The following NAV2 variants were observed in gnomAD, a reference collection of about 807,000 sequenced individuals.
The protein encoded by NAV2 is helicase, APC down-regulated 1.
In NAV2, 54 loss-of-function variants were observed where a neutral mutation model predicts 223.2. The observed-to-expected ratio is 0.24, with a 90% CI of 0.19 to 0.30. The LOEUF is 0.30. Ranked by LOEUF, NAV2 falls within the 10% of genes least tolerant of loss-of-function variation. The probability of loss-of-function intolerance (pLI) is 1.00; values close to 1 mark genes in which losing one functional copy is unlikely to be tolerated. For missense variants in NAV2, 2,806 were observed against 3,147.5 expected (o/e 0.89, Z 2.60); for synonymous variants, 1,279 against 1,239.3 (o/e 1.03, Z -0.67).
intron 26 of NAV2, among the ~76,000 whole-genome samples, chr11:20,085,643 A>G (rs2060390167): frequency 6.6e-6 from 1 of 152,204 alleles, no homozygotes; most frequent in Non-Finnish European, 1.5e-5. Context: ...ATGACTGTTT[A>G]TTTCTTGCTC....
intron 33 of NAV2, 93 bp from the exon 34 acceptor site, chr11:20,103,560 G>A: frequency 6.6e-7 from 1 of 1,514,342 alleles, no homozygotes; most frequent in Non-Finnish European, 9.2e-7. Context: ...CTGTCCACTG[G>A]CCTGGAAGCA....
intron 1 of NAV2, among the ~76,000 whole-genome samples, chr11:19,724,857 T>C (rs761539414): frequency 6.6e-6 from 1 of 152,212 alleles, no homozygotes; most frequent in Non-Finnish European, 1.5e-5. Context: ...GTTAAGTTCC[T>C]ACTTCCCCAT....
At chr11:19,668,050 C>G (rs2048466351) in intron 1 of NAV2, among the ~76,000 whole-genome samples, 1 of 152,188 alleles carries the variant, frequency 6.6e-6, no homozygotes, top group Middle Eastern at 3.2e-3. Flanking sequence ...CCCACCTATT[C>G]TCTCCCTCTA....
intron 10 of NAV2, among the ~76,000 whole-genome samples, chr11:19,962,065 A>T (rs745529758): frequency 6.6e-6 from 1 of 151,564 alleles, no homozygotes; most frequent in Non-Finnish European, 1.5e-5. Context: ...AGGGGATTCT[A>T]CCTTTAGACT....
chr11:20,007,736 G>T (rs1271624199), intron 11 of NAV2, among the ~76,000 whole-genome samples: 1 of 152,054 alleles, frequency 6.6e-6, no homozygotes, highest in East Asian at 1.9e-4. Context: ...TGAGCTCATT[G>T]ATCAGCAGCT....
chr11:20,000,346 C>G (rs534006634), intron 11 of NAV2, among the ~76,000 whole-genome samples: 7 of 152,254 alleles, frequency 4.6e-5, no homozygotes, highest in African/African-American at 1.7e-4. Context: ...AGCTATAATT[C>G]CAGCTCTGTT....
At chr11:19,792,532 C>G (rs1220122561) in intron 1 of NAV2, among the ~76,000 whole-genome samples, 1 of 152,144 alleles carries the variant, frequency 6.6e-6, no homozygotes, top group Non-Finnish European at 1.5e-5. Context: ...ACCTCTATTC[C>G]TCCTTGCTGC....
intron 1 of NAV2, among the ~76,000 whole-genome samples, chr11:19,542,293 T>C (rs2044361125): frequency 6.6e-6 from 1 of 152,246 alleles, no homozygotes; most frequent in African/African-American, 2.4e-5. Context: ...CTTCCATGCC[T>C]ATCTTATTTA....
At chr11:19,441,531 A>T (rs1851404445) in intron 1 of NAV2, among the ~76,000 whole-genome samples, 1 of 152,100 alleles carries the variant, frequency 6.6e-6, no homozygotes. Context: ...TGAAACTGAG[A>T]TCTGATTCAG....
chr11:20,067,877 A>G (rs779804930), intron 20 of NAV2, among the ~76,000 whole-genome samples: 1 of 151,958 alleles, frequency 6.6e-6, no homozygotes, highest in African/African-American at 2.4e-5. Context: ...TGGCCTTCTT[A>G]TCACATATCT....
intron 11 of NAV2, among the ~76,000 whole-genome samples, chr11:20,028,256 G>A (rs2055309310): frequency 6.6e-6 from 1 of 152,174 alleles, no homozygotes; most frequent in Non-Finnish European, 1.5e-5. Flanking sequence ...AGCCCTCTGA[G>A]TGGCATTTGG....
chr11:19,413,434 CA>C (rs1794649284), intron 1 of NAV2, among the ~76,000 whole-genome samples: 1 of 151,914 alleles, frequency 6.6e-6, no homozygotes, highest in Admixed American at 6.6e-5. Flanking sequence ...GTGAAAAGAC[CA>C]AACCTACGTT....
chr11:20,022,919 G>T (rs1272725169), intron 11 of NAV2: 5 of 1,360,466 alleles, frequency 3.7e-6, no homozygotes, highest in South Asian at 1.7e-5. Context: ...TTTGTTGGGG[G>T]ATCGGATTTC....
chr11:19,631,298 C>T (rs940934481), intron 1 of NAV2, among the ~76,000 whole-genome samples: 24 of 152,046 alleles, frequency 1.6e-4, no homozygotes, highest in African/African-American at 4.3e-4. Flanking sequence ...GATGTTCCCC[C>T]TCCTGTGTCC....
intron 1 of NAV2, among the ~76,000 whole-genome samples, chr11:19,402,849 G>A (rs1321397320): frequency 2.0e-5 from 3 of 152,202 alleles, no homozygotes; most frequent in Admixed American, 6.5e-5. Context: ...GAATGTATGA[G>A]TAAGGAGCAG....
chr11:19,560,141 G>A (rs898399767), intron 1 of NAV2, among the ~76,000 whole-genome samples: 7 of 152,084 alleles, frequency 4.6e-5, no homozygotes, highest in Non-Finnish European at 8.8e-5. Flanking sequence ...GCTCAGAATC[G>A]GTGGTAAAAG....
At chr11:19,548,507 G>A (rs10741776) in intron 1 of NAV2, among the ~76,000 whole-genome samples, 34,654 of 151,950 alleles carry the variant, frequency 0.23, 4,294 homozygotes, top group East Asian at 0.48. Flanking sequence ...TGAACCATGT[G>A]ATCCAGCCCA....
chr11:20,053,731 C>T (rs1026891284), intron 17 of NAV2, among the ~76,000 whole-genome samples: 2 of 152,324 alleles, frequency 1.3e-5, no homozygotes, highest in African/African-American at 4.8e-5. Context: ...CTAACAGCAG[C>T]TCATTTTGTT....
At chr11:19,822,851 C>T (rs545483999) in intron 1 of NAV2, among the ~76,000 whole-genome samples, 380 of 152,254 alleles carry the variant, frequency 2.5e-3, no homozygotes, top group African/African-American at 8.6e-3. Flanking sequence ...AATAGAGAAC[C>T]CATTCACATC....
Sources: gnomAD v4.1 joint callset for allele counts (sites outside exome capture counted in the v4.1 genomes callset) on GRCh38, gnomAD v4.1.1 for gene constraint, MANE v1.5 for transcripts, NCBI Gene and HGNC (gene_info 2026-07-23, HGNC 2026-07-21) for gene names.